Variants in NSL1 observed in about 807,000 individuals in gnomAD.
NSL1 encodes the protein kinetochore-associated protein NSL1 homolog.
A neutral mutation model predicts 25.4 loss-of-function variants in NSL1; 11 were observed. The ratio of observed to expected loss-of-function variants is 0.43; its 90% confidence interval spans 0.27 to 0.72. The LOEUF (loss-of-function observed/expected upper bound fraction) is 0.72. Ranked by LOEUF, NSL1 falls within the 30% of genes least tolerant of loss-of-function variation. The probability of loss-of-function intolerance (pLI) is 0.19; values close to 1 mark genes in which losing one functional copy is unlikely to be tolerated. For missense variants in NSL1, 330 were observed against 342.7 expected, an observed-to-expected ratio of 0.96 and a Z score of 0.29; for synonymous variants, 118 against 120.6, an observed-to-expected ratio of 0.98 and a Z score of 0.14.
chr1:212,747,023 T>C lies in NSL1; in HGVS notation c.500-7422A>G, dbSNP rs1354463427. Among the ~76,000 whole-genome samples, 3 of 151,696 alleles carry C rather than the reference T, an allele frequency of 2.0e-5. No homozygotes were observed. The East Asian group carries it at 5.8e-4, about 29-fold the overall frequency. On this transcript the variant is annotated intron_variant, in intron 4 of 5. Transcript: ENST00000366977. ...AGCCAGGCATGGAGGTGTGTGCCTGTAGTCCCAGCTACAAGGGAGGCTGAA... is the reference window on the plus strand; with the variant it reads ...AGCCAGGCATGGAGGTGTGTGCCTGCAGTCCCAGCTACAAGGGAGGCTGAA...
intron 4 of NSL1, among the ~76,000 whole-genome samples, chr1:212,758,004 T>C (rs1001476377): frequency 2.0e-5 from 3 of 152,212 alleles, no homozygotes; most frequent in African/African-American, 7.2e-5. Flanking sequence ...ATAATACTGG[T>C]TACTGGTCAT....
chr1:212,736,648 AG>A lies in NSL1; in HGVS notation c.*1759del. 1 of 985,254 alleles carries A rather than the reference AG, an allele frequency of 1.0e-6. No homozygotes were observed. Among genetic ancestry groups the A allele is most frequent in the Non-Finnish European group, 1.2e-6 (1 of 829,718 alleles). The allele number at this position is 985,254 out of a possible 1,614,324, so 61.0% of individuals were successfully genotyped here. A position where few individuals can be genotyped will look rare whatever the true frequency, so the allele number is the denominator to read the frequency against. ...TGGAGTAAAACTTTGGGCTCTCAAG[AG>A]GATTTCAAATCTCAGCTGTCTGCCT... is the stretch of plus-strand genomic sequence containing the variant. On this transcript the variant is annotated 3_prime_UTR_variant, in exon 6 of 6. Coordinates refer to ENST00000366977, the MANE Select transcript of NSL1 (RefSeq NM_015471.4).
chr1:212,768,599 T>C (rs1484309533), intron 4 of NSL1, among the ~76,000 whole-genome samples: 7 of 152,200 alleles, frequency 4.6e-5, no homozygotes, highest in Admixed American at 6.5e-5. Context: ...GAGTCCATCA[T>C]TCTAAGTGAA....
In NSL1 at chr1:212,732,773, G is replaced by T; in HGVS notation, c.*5635C>A. 2.8e-6 allele frequency: 1 copy of T among 356,798 alleles called. No individual in the cohort carries two copies. The highest frequency in any genetic ancestry group is 3.9e-6 in the Non-Finnish European group (1 of 255,426). 22.1% of individuals were successfully genotyped at this position (356,798 alleles called of 1,614,324 possible). ...CCCTGGTAGAACCCCCAAACGGGAT[G>T]CCTTGGAGGTAATTTTTTTTGACGC... is the stretch of plus-strand genomic sequence containing the variant. On this transcript the variant is annotated 3_prime_UTR_variant, in exon 6 of 6. Coordinates refer to ENST00000366977, the MANE Select transcript of NSL1 (RefSeq NM_015471.4).
intron 4 of NSL1, among the ~76,000 whole-genome samples, chr1:212,776,020 G>C (rs1660349028): frequency 6.6e-6 from 1 of 151,926 alleles, no homozygotes; most frequent in South Asian, 2.1e-4. Context: ...GTAGAGACGG[G>C]GTTTCACCAT....
At chr1:212,764,843 CAAAAAAAAAAAAAA>C (rs3086471) in intron 4 of NSL1, among the ~76,000 whole-genome samples, 34 of 38,876 alleles carry the variant, frequency 8.7e-4, no homozygotes, top group African/African-American at 3.3e-3. Flanking sequence ...AAGACTGTCT[CAAAAAAAAAAAAAA>C]AAAAAAAAAA....
Position 212,784,410 on chromosome 1 carries a change from T to G in NSL1, c.397A>C (p.Ile133Leu), listed in dbSNP as rs371640648. 3.1e-6 allele frequency: 5 copies of G among 1,597,218 alleles called. No homozygotes were observed. The African/African-American group carries it at 6.7e-5, about 21-fold the overall frequency. ...ATKRKQYPRK[I>L]LECVIKTIKA... ...ATGGTTTTGATGACACATTCCAGGA[T>G]CTTTCTGGGATACTGCTTACGTTTT... Residue 133 changes from isoleucine (I) to leucine (L), a missense_variant, in exon 3 of 6, where the codon ATC (isoleucine) becomes CTC (leucine). Physicochemically the swap from Ile to Leu is conservative, Grantham distance 5. Transcript: ENST00000366977.
At chr1:212,752,795 T>C (rs562506005) in intron 4 of NSL1, among the ~76,000 whole-genome samples, 2 of 152,146 alleles carry the variant, frequency 1.3e-5, no homozygotes, top group African/African-American at 4.8e-5. Context: ...AAATGAAAGA[T>C]TGAGTAATCA....
intron 4 of NSL1, among the ~76,000 whole-genome samples, chr1:212,757,237 G>C (rs1395748778): frequency 6.6e-6 from 1 of 152,168 alleles, no homozygotes; most frequent in Non-Finnish European, 1.5e-5. Flanking sequence ...TGTCAGAGAT[G>C]AGATCAGAGA....
rs35142160 is a variant in NSL1 at position 212,740,480 on chromosome 1, G to GT, written c.500-880dup. On this transcript the variant is annotated intron_variant, in intron 4 of 5. Transcript: ENST00000366977. Reference sequence around the variant, plus strand: ...GGCAACAGGATAATCTCAGAAAAGGGTTTTTTTTTTGTACCAGAAATTTCT... The same window carrying GT: ...GGCAACAGGATAATCTCAGAAAAGGGTTTTTTTTTTTGTACCAGAAATTTCT... Among the ~76,000 whole-genome samples the GT allele has an allele frequency of 3.9e-4, 58 of 150,458 alleles. No homozygotes were observed. In the South Asian group the frequency reaches 6.5e-3, roughly 17 times the overall value.
chr1:212,771,418 A>G (rs994930548), intron 4 of NSL1, among the ~76,000 whole-genome samples: 1 of 152,204 alleles, frequency 6.6e-6, no homozygotes, highest in Admixed American at 6.5e-5. Context: ...AGGAAAAGCT[A>G]AAAGTCTTTC....
intron 4 of NSL1, among the ~76,000 whole-genome samples, chr1:212,758,832 C>T (rs1181793560): frequency 2.0e-5 from 3 of 152,156 alleles, no homozygotes; most frequent in African/African-American, 4.8e-5. Flanking sequence ...GCCAAAACAA[C>T]CTTGAAAAAG....
At position 212,734,835 on chromosome 1, in the gene NSL1, A is replaced by G. The variant is rs189397650; in HGVS notation, c.*3573T>C. Among the ~76,000 whole-genome samples the G allele has an allele frequency of 6.6e-6, 1 of 152,330 alleles. No individual in the cohort carries two copies. Among genetic ancestry groups the G allele is most frequent in the East Asian group, 1.9e-4 (1 of 5,188 alleles). On this transcript the variant is annotated 3_prime_UTR_variant, in exon 6 of 6. Coordinates refer to ENST00000366977, the MANE Select transcript of NSL1 (RefSeq NM_015471.4). ...ATACATCTATCATACCATTTGCTGCATGGCATTATCATTGTTTGCACACTC... is the reference window on the plus strand; with the variant it reads ...ATACATCTATCATACCATTTGCTGCGTGGCATTATCATTGTTTGCACACTC...
rs142797494 is a variant in NSL1 at position 212,741,798 on chromosome 1, C to T, written c.500-2197G>A. On this transcript the variant is annotated intron_variant, in intron 4 of 5. Transcript: ENST00000366977. ...TTATAATAAGTAAAAATGGTCCCTG[C>T]CCATCAAGGAACATTCAGTTTAGAA... Among the ~76,000 whole-genome samples, 854 of 152,284 alleles carry T rather than the reference C, an allele frequency of 5.6e-3. 3 individuals are homozygous for T. The highest frequency in any genetic ancestry group is 9.5e-3 in the Non-Finnish European group (643 of 68,018).
In NSL1 at chr1:212,727,719, A is replaced by C; in HGVS notation, c.*10689T>G. 1.0e-6 allele frequency: 1 copy of C among 984,948 alleles called. No individual in the cohort carries two copies. Among genetic ancestry groups the C allele is most frequent in the Non-Finnish European group, 1.2e-6 (1 of 829,468 alleles). The allele number at this position is 984,948 out of a possible 1,614,324, so 61.0% of individuals were successfully genotyped here. The stretch of plus-strand genomic sequence containing the variant: ...AAAGAATGACTAGCTATGATGATTT[A>C]TATTTCCCAAGAAATTAACAGCAAA... On this transcript the variant is annotated 3_prime_UTR_variant, in exon 6 of 6. Coordinates refer to ENST00000366977, the MANE Select transcript of NSL1 (RefSeq NM_015471.4).
intron 4 of NSL1, among the ~76,000 whole-genome samples, chr1:212,758,074 T>C (rs962059838): frequency 6.6e-6 from 1 of 152,232 alleles, no homozygotes; most frequent in African/African-American, 2.4e-5. Context: ...AACTTGTTTC[T>C]TATGCTTCTA....
intron 4 of NSL1, among the ~76,000 whole-genome samples, chr1:212,781,309 G>A (rs1660723787): frequency 3.3e-5 from 5 of 152,156 alleles, no homozygotes; most frequent in Admixed American, 2.0e-4. Flanking sequence ...GAAATTAACT[G>A]TATCTAAAAA....
chr1:212,762,093 T>C (rs906458689), intron 4 of NSL1, among the ~76,000 whole-genome samples: 6 of 150,500 alleles, frequency 4.0e-5, no homozygotes, highest in African/African-American at 1.2e-4. Flanking sequence ...AGGTCAGGAG[T>C]TTGAGACTAG....
chr1:212,788,298 G>A (rs1571927436), intron 1 of NSL1, among the ~76,000 whole-genome samples: 2 of 152,068 alleles, frequency 1.3e-5, no homozygotes, highest in South Asian at 2.1e-4. Flanking sequence ...CTGTAGTCCC[G>A]GCTACTTGAA....
Sources: gnomAD v4.1 joint callset for allele counts (sites outside exome capture counted in the v4.1 genomes callset) on GRCh38, gnomAD v4.1.1 for gene constraint, MANE v1.5 for transcripts, NCBI Gene and HGNC (gene_info 2026-07-23, HGNC 2026-07-21) for gene names.